The following PRIM2 variants were observed in gnomAD, a reference collection of about 807,000 sequenced individuals.
PRIM2 encodes DNA primase large subunit.
PRIM2 carries 39 observed loss-of-function variants against 67.3 expected under a neutral mutation model. The ratio of observed to expected loss-of-function variants is 0.58; its 90% confidence interval spans 0.45 to 0.76. PRIM2 has a LOEUF of 0.76. Ranked by LOEUF, PRIM2 falls within the 30% of genes least tolerant of loss-of-function variation. PRIM2 has a pLI of 0.00. For synonymous variants in PRIM2, 143 were observed against 198.7 expected, an observed-to-expected ratio of 0.72 and a Z score of 2.36; for missense variants, 398 against 598.7, an observed-to-expected ratio of 0.66 and a Z score of 3.50.
chr6:57,381,964 A>G lies in PRIM2; in HGVS notation c.556-67A>G, dbSNP rs1042836654. On this transcript the variant is annotated intron_variant, in intron 6 of 13. Coordinates refer to ENST00000615550, the MANE Select transcript of PRIM2 (RefSeq NM_000947.5). ...GAATTTCTTTGTTTATACTTTATAC[A>G]TATGAAGACTTAGGATTTCTTAATG... 3.4e-6 allele frequency: 5 copies of G among 1,485,592 alleles called. No homozygotes were observed. The African/African-American group carries it at 7.0e-5, about 21-fold the overall frequency. The allele number at this position is 1,485,592 out of a possible 1,614,324, so 92.0% of individuals were successfully genotyped here. A position where few individuals can be genotyped will look rare whatever the true frequency, so the allele number is the denominator to read the frequency against.
chr6:57,441,573 G>T (rs1041271929), intron 7 of PRIM2, among the ~76,000 whole-genome samples: 1 of 152,024 alleles, frequency 6.6e-6, no homozygotes, highest in African/African-American at 2.4e-5. Context: ...TTTTACAAGT[G>T]TTATATGGTA....
chr6:57,486,173 G>T (rs1773749043), intron 7 of PRIM2, among the ~76,000 whole-genome samples: 1 of 152,212 alleles, frequency 6.6e-6, no homozygotes, highest in African/African-American at 2.4e-5. Context: ...GAAGTGTCAG[G>T]TGAGGAATGG....
chr6:57,519,752 A>G (rs1279541268), intron 8 of PRIM2, among the ~76,000 whole-genome samples: 2 of 152,246 alleles, frequency 1.3e-5, no homozygotes, highest in Non-Finnish European at 1.5e-5. Flanking sequence ...GGAAATCACA[A>G]GGGTATTGAT....
chr6:57,382,009 G>T, intron 6 of PRIM2, 22 bp from the exon 7 acceptor site: 1 of 1,588,888 alleles, frequency 6.3e-7, no homozygotes, highest in South Asian at 1.1e-5. Context: ...GACTTATTTT[G>T]CCTGTTTTAC....
intron 10 of PRIM2, among the ~76,000 whole-genome samples, chr6:57,597,304 G>A (rs1323795323): frequency 1.1e-4 from 16 of 151,624 alleles, no homozygotes; most frequent in African/African-American, 3.4e-4. Flanking sequence ...TTAGAGTTGT[G>A]GATAGGAGTT....
rs541068553 is a variant in PRIM2, at chr6:57,438,702, A to C, written c.693+56534A>C. ...AGAAAACCATACTATCTCCAGGGGG[A>C]GGGTGGTCTCTGTTTCTCTAGGTTT... is the stretch of plus-strand genomic sequence containing the variant. On this transcript the variant is annotated intron_variant, in intron 7 of 13. Coordinates refer to ENST00000615550, the MANE Select transcript of PRIM2 (RefSeq NM_000947.5). 3.7e-3 allele frequency among the ~76,000 whole-genome samples: 564 copies of C among 152,152 alleles called. 6 individuals are homozygous for C. Among genetic ancestry groups the C allele is most frequent in the Middle Eastern group, 0.02 (6 of 294 alleles).
intron 3 of PRIM2, 136 bp from the exon 4 acceptor site, chr6:57,324,065 T>G (rs746259165): frequency 6.9e-5 from 39 of 563,162 alleles, no homozygotes; most frequent in Non-Finnish European, 1.2e-4. Context: ...GTCTGGGTGG[T>G]AGAGCAAGAC....
intron 7 of PRIM2, among the ~76,000 whole-genome samples, chr6:57,459,126 G>C (rs1381824131): frequency 6.6e-6 from 1 of 152,170 alleles, no homozygotes; most frequent in Admixed American, 6.5e-5. Flanking sequence ...TGTGATTTTT[G>C]CATCAGTTTA....
At chr6:57,478,865 G>A (rs1388099788) in intron 7 of PRIM2, among the ~76,000 whole-genome samples, 4 of 152,130 alleles carry the variant, frequency 2.6e-5, no homozygotes, top group African/African-American at 9.7e-5. Context: ...TATTACATTC[G>A]GCTGGGCGCG....
At chr6:57,228,135 A>G in the PRIM2 span, among the ~76,000 whole-genome samples, 37 of 152,314 alleles carry the variant, frequency 2.4e-4, no homozygotes, top group Non-Finnish European at 1.5e-5. Context: ...AGATCTACAA[A>G]ACTAGAGTTA....
intron 7 of PRIM2, 182 bp downstream of exon 7, chr6:57,382,350 A>G: frequency 4.5e-6 from 3 of 666,240 alleles, no homozygotes; most frequent in South Asian, 3.8e-5. Flanking sequence ...GTTACTATCC[A>G]TAGTTGGTTT....
chr6:57,239,242 TG>T, the PRIM2 span, among the ~76,000 whole-genome samples: 20 of 152,272 alleles, frequency 1.3e-4, no homozygotes, highest in African/African-American at 4.8e-4. Flanking sequence ...CAGCCTGACT[TG>T]GCCTCCCAAA....
chr6:57,519,317 C>G (rs1395781873), intron 8 of PRIM2, among the ~76,000 whole-genome samples: 4 of 152,172 alleles, frequency 2.6e-5, no homozygotes, highest in Non-Finnish European at 5.9e-5. Flanking sequence ...CAGGAATTTC[C>G]TCTTCCTAAT....
At chr6:57,458,110 G>T (rs1273225375) in intron 7 of PRIM2, among the ~76,000 whole-genome samples, 1 of 152,160 alleles carries the variant, frequency 6.6e-6, no homozygotes, top group African/African-American at 2.4e-5. Context: ...GCTAACTTAT[G>T]TTGAAATAAT....
At chr6:57,558,660 A>AT (rs1775566418) in intron 10 of PRIM2, among the ~76,000 whole-genome samples, 1 of 150,818 alleles carries the variant, frequency 6.6e-6, no homozygotes, top group Non-Finnish European at 1.5e-5. Context: ...TATCTTTCTT[A>AT]ATATATATAT....
At chr6:57,563,272 A>G (rs1255159626) in intron 10 of PRIM2, among the ~76,000 whole-genome samples, 5 of 142,180 alleles carry the variant, frequency 3.5e-5, no homozygotes, top group African/African-American at 1.3e-4. Flanking sequence ...TGTACTCACC[A>G]CTGAAAGTCT....
At chr6:57,466,993 C>T (rs1455889938) in intron 7 of PRIM2, among the ~76,000 whole-genome samples, 9 of 150,200 alleles carry the variant, frequency 6.0e-5, no homozygotes, top group African/African-American at 1.7e-4. Flanking sequence ...GTGGCACACC[C>T]GTATAATCCC....
rs375121976 is a variant in PRIM2 at position 57,320,574 on chromosome 6, G to GA, written c.258+22dup. 1.0e-5 allele frequency: 16 copies of GA among 1,538,604 alleles called. No individual in the cohort carries two copies. Among genetic ancestry groups the GA allele is most frequent in the African/African-American group, 4.2e-5 (3 of 72,058 alleles). The stretch of plus-strand genomic sequence containing the variant: ...TTTTCCTACAGAGTAAGTAAAAAAG[G>GA]AAAAAAAAGTTCCTTCAGTTTCTAT... On this transcript the variant is annotated intron_variant, in intron 3 of 13. Coordinates refer to ENST00000615550, the MANE Select transcript of PRIM2 (RefSeq NM_000947.5).
the PRIM2 span, among the ~76,000 whole-genome samples, chr6:57,240,159 G>T: frequency 1.7e-3 from 253 of 146,238 alleles, no homozygotes; most frequent in Non-Finnish European, 3.1e-3. Flanking sequence ...GAGTGCAATG[G>T]CGCGATCTCG....
Sources: allele counts gnomAD v4.1 joint callset (sites outside exome capture counted in the v4.1 genomes callset), GRCh38; gene constraint gnomAD v4.1.1; transcripts MANE v1.5; gene names NCBI Gene and HGNC (gene_info 2026-07-23, HGNC 2026-07-21).